Variants in DLG2 observed in about 807,000 individuals in gnomAD.
The protein encoded by DLG2 is discs large MAGUK scaffold protein 2, also known as disks large homolog 2.
Under a neutral mutation model 132.5 loss-of-function variants are expected in DLG2, and 45 were observed. The ratio of observed to expected loss-of-function variants is 0.34; its 90% CI spans 0.27 to 0.44. The LOEUF (loss-of-function observed/expected upper bound fraction) is 0.44, where lower values mean the gene tolerates loss of function less well. DLG2 is among the 20% of genes least tolerant of loss of function. The pLI is 1.00. For missense variants in DLG2, 1,045 were observed against 1,196.9 expected (o/e 0.87, Z 1.87); for synonymous variants, 424 against 419.6 (o/e 1.01, Z -0.13).
chr11:85,541,180 G>C (rs1174505199), intron 3 of DLG2, among the ~76,000 whole-genome samples: 1 of 152,164 alleles, frequency 6.6e-6, no homozygotes, highest in African/African-American at 2.4e-5. Context: ...CCCTGTGAAT[G>C]ATGGAAAACA....
chr11:84,657,961 T>C (rs2099690205), intron 6 of DLG2, among the ~76,000 whole-genome samples: 1 of 152,190 alleles, frequency 6.6e-6, no homozygotes, highest in Non-Finnish European at 1.5e-5. Flanking sequence ...TAACCATATA[T>C]AATAAAGATG....
At chr11:84,495,869 C>T (rs531407694) in intron 7 of DLG2, among the ~76,000 whole-genome samples, 103 of 152,212 alleles carry the variant, frequency 6.8e-4, no homozygotes, top group African/African-American at 1.1e-3. Context: ...GGGCGGTAAA[C>T]GGGCACAATG....
At chr11:85,095,943 T>G (rs969305302) in intron 6 of DLG2, among the ~76,000 whole-genome samples, 5 of 152,212 alleles carry the variant, frequency 3.3e-5, no homozygotes, top group African/African-American at 1.2e-4. Context: ...AGCTTCTGGG[T>G]CAGGTGGGGA....
At chr11:85,009,877 T>TA (rs1224157953) in intron 6 of DLG2, among the ~76,000 whole-genome samples, 3 of 152,110 alleles carry the variant, frequency 2.0e-5, no homozygotes, top group African/African-American at 7.2e-5. Flanking sequence ...TAGGGCCACA[T>TA]AAAAAGTCCC....
At chr11:84,056,934 C>T (rs2096511979) in intron 11 of DLG2, among the ~76,000 whole-genome samples, 1 of 152,112 alleles carries the variant, frequency 6.6e-6, no homozygotes, top group Admixed American at 6.6e-5. Flanking sequence ...TTCGCAAGAG[C>T]CTGCTTTTTA....
In DLG2 at chr11:83,495,214, C is replaced by T. The variant is rs545287340; in HGVS notation, c.2194-10986G>A. Among the ~76,000 whole-genome samples the T allele has an allele frequency of 1.2e-3, 187 of 152,144 alleles. 1 individual carries two copies. The highest frequency in any genetic ancestry group is 4.4e-3 in the African/African-American group (181 of 41,498). On this transcript the variant is annotated intron_variant, in intron 21 of 27. Coordinates refer to ENST00000376104, the MANE Select transcript of DLG2 (RefSeq NM_001142699.3). ...GTCTATGTGGACATAAAAATTACTTCGCCGTGGTAGATGTGTGTGTCTGTT... is the reference window on the plus strand; with the variant it reads ...GTCTATGTGGACATAAAAATTACTTTGCCGTGGTAGATGTGTGTGTCTGTT...
chr11:84,807,281 A>G (rs1329404069), intron 6 of DLG2, among the ~76,000 whole-genome samples: 1 of 152,072 alleles, frequency 6.6e-6, no homozygotes, highest in Non-Finnish European at 1.5e-5. Context: ...CCTCGTCTCT[A>G]CCAAAAATAC....
At chr11:84,846,075 A>G (rs2081434330) in intron 6 of DLG2, among the ~76,000 whole-genome samples, 2 of 151,992 alleles carry the variant, frequency 1.3e-5, no homozygotes, top group South Asian at 4.2e-4. Context: ...TTCTAGGTTC[A>G]GTCCTAGGTT....
chr11:85,379,193 C>G (rs1209973222), intron 3 of DLG2, among the ~76,000 whole-genome samples: 1 of 152,148 alleles, frequency 6.6e-6, no homozygotes, highest in Non-Finnish European at 1.5e-5. Context: ...GTGGGATGAA[C>G]TTAGACTTTT....
At chr11:84,553,443 G>A (rs1020832386) in intron 6 of DLG2, among the ~76,000 whole-genome samples, 1 of 152,196 alleles carries the variant, frequency 6.6e-6, no homozygotes, top group Non-Finnish European at 1.5e-5. Context: ...TTTAAAAAGT[G>A]CATGTTAGAA....
intron 7 of DLG2, among the ~76,000 whole-genome samples, chr11:84,504,541 G>T (rs1045741696): frequency 6.6e-6 from 1 of 152,130 alleles, no homozygotes; most frequent in Non-Finnish European, 1.5e-5. Flanking sequence ...ACCTGAGATT[G>T]TGCTGACCTA....
At chr11:85,466,139 T>C (rs1199944051) in intron 3 of DLG2, among the ~76,000 whole-genome samples, 4 of 152,214 alleles carry the variant, frequency 2.6e-5, no homozygotes, top group Admixed American at 2.0e-4. Flanking sequence ...CTTTGCCCAC[T>C]TTTTGATGGG....
At chr11:84,652,049 G>A (rs890814491) in intron 6 of DLG2, among the ~76,000 whole-genome samples, 2 of 152,130 alleles carry the variant, frequency 1.3e-5, no homozygotes, top group African/African-American at 4.8e-5. Flanking sequence ...AAAAAAATAG[G>A]CTTGTCTGGA....
At chr11:83,847,697 C>T (rs1409664036) in intron 16 of DLG2, among the ~76,000 whole-genome samples, 1 of 152,154 alleles carries the variant, frequency 6.6e-6, no homozygotes, top group Non-Finnish European at 1.5e-5. Context: ...CCTTCCAGTT[C>T]TAGCATTTCA....
chr11:84,390,903 T>C (rs1158271598), intron 7 of DLG2, among the ~76,000 whole-genome samples: 1 of 152,144 alleles, frequency 6.6e-6, no homozygotes, highest in Non-Finnish European at 1.5e-5. Flanking sequence ...CCTCTTGTAA[T>C]GATACCATCT....
Position 84,255,378 on chromosome 11 carries a change from C to T in DLG2, c.520-4087G>A, listed in dbSNP as rs137855559. 6.9e-3 allele frequency among the ~76,000 whole-genome samples: 1,058 copies of T among 152,264 alleles called. 4 individuals are homozygous for T. Among genetic ancestry groups the T allele is most frequent in the Non-Finnish European group, 0.011 (723 of 68,010 alleles). On this transcript the variant is annotated intron_variant, in intron 7 of 27. Coordinates refer to ENST00000376104, the MANE Select transcript of DLG2 (RefSeq NM_001142699.3). ...TCGCTCTATCACCCAGGCTGGAGTA[C>T]AGTGGTGCAATCTCGGCTCACTGCA...
At chr11:84,705,794 T>C (rs2059721923) in intron 6 of DLG2, among the ~76,000 whole-genome samples, 1 of 151,844 alleles carries the variant, frequency 6.6e-6, no homozygotes. Flanking sequence ...AAATGAAGTA[T>C]GATGGGTGTC....
At chr11:84,964,940 C>G (rs888990003) in intron 6 of DLG2, among the ~76,000 whole-genome samples, 1 of 152,040 alleles carries the variant, frequency 6.6e-6, no homozygotes, top group Admixed American at 6.6e-5. Context: ...GATTAATTAT[C>G]AAATGGTTAG....
At chr11:83,934,330 C>G (rs760027334) in intron 14 of DLG2, among the ~76,000 whole-genome samples, 91 of 152,116 alleles carry the variant, frequency 6.0e-4, no homozygotes, top group Non-Finnish European at 1.3e-3. Flanking sequence ...GAGACTAATA[C>G]CAGACTGACT....
Sources: allele counts gnomAD v4.1 joint callset (sites outside exome capture counted in the v4.1 genomes callset), GRCh38; gene constraint gnomAD v4.1.1; transcripts MANE v1.5; gene names NCBI Gene and HGNC (gene_info 2026-07-23, HGNC 2026-07-21).